The following RFX4 variants were observed in gnomAD, a reference collection of about 807,000 sequenced individuals.
RFX4 encodes regulatory factor X4.
A neutral mutation model predicts 95.0 loss-of-function variants in RFX4; 10 were observed. The ratio of observed to expected loss-of-function variants is 0.11; its 90% confidence interval spans 0.06 to 0.18. RFX4 has a LOEUF of 0.18. Among genes scored for constraint, RFX4 ranks in the 10% least tolerant of loss-of-function variants. The pLI, the probability that RFX4 is intolerant of heterozygous loss-of-function variation, is 1.00. For missense variants in RFX4, 640 were observed against 922.0 expected, an observed-to-expected ratio of 0.69 and a Z score of 3.96; for synonymous variants, 321 against 340.7, an observed-to-expected ratio of 0.94 and a Z score of 0.64.
rs147775366 is a variant in RFX4 at position 106,633,737 on chromosome 12, C to G, written c.131-5595C>G. ...CTGATACTCAGAAATGGGGCCATAA[C>G]AAAGTTTAGTTGGGAAAAAAACCTG... On this transcript the variant is annotated intron_variant, in intron 2 of 17. Coordinates refer to ENST00000392842, the MANE Select transcript of RFX4 (RefSeq NM_213594.3). Among the ~76,000 whole-genome samples the G allele has an allele frequency of 1.4e-4, 21 of 152,252 alleles. No individual in the cohort carries two copies. The East Asian group carries it at 3.7e-3, about 27-fold the overall frequency.
chr12:106,637,130 C>T (rs1175878877), intron 2 of RFX4, among the ~76,000 whole-genome samples: 4 of 152,110 alleles, frequency 2.6e-5, no homozygotes, highest in African/African-American at 7.2e-5. Context: ...AAATTAATTA[C>T]CATGATTGTT....
At chr12:106,626,587 T>C (rs960886526) in intron 2 of RFX4, among the ~76,000 whole-genome samples, 1 of 152,086 alleles carries the variant, frequency 6.6e-6, no homozygotes, top group Non-Finnish European at 1.5e-5. Context: ...CAAAGTGGTG[T>C]TTTCAGAAGG....
chr12:106,677,909 T>C (rs150881405), intron 4 of RFX4, among the ~76,000 whole-genome samples: 79 of 152,126 alleles, frequency 5.2e-4, no homozygotes, highest in African/African-American at 1.7e-3. Context: ...GGTTGTGCAG[T>C]GTTAGGAAGA....
intron 2 of RFX4, 145 bp downstream of exon 2, chr12:106,609,028 C>T: frequency 1.5e-6 from 1 of 663,466 alleles, no homozygotes; most frequent in Admixed American, 3.0e-5. Context: ...CCCAGGTCCT[C>T]TCTGTAATAT....
chr12:106,679,513 A>G (rs1174987332), intron 4 of RFX4, among the ~76,000 whole-genome samples: 3 of 152,028 alleles, frequency 2.0e-5, no homozygotes, highest in Non-Finnish European at 1.5e-5. Context: ...GTCCATTTGT[A>G]TCGGAGAAAT....
chr12:106,642,690 T>C (rs1342842497), intron 3 of RFX4, among the ~76,000 whole-genome samples: 1 of 152,198 alleles, frequency 6.6e-6, no homozygotes, highest in Non-Finnish European at 1.5e-5. Context: ...GCAGAGACTT[T>C]AGCTTGGCTA....
chr12:106,731,997 T>C, intron 13 of RFX4, 133 bp from the exon 14 acceptor site: 2 of 1,302,164 alleles, frequency 1.5e-6, no homozygotes, highest in South Asian at 1.4e-5. Context: ...CATGAGGAGA[T>C]CATAATTGAG....
intron 17 of RFX4, among the ~76,000 whole-genome samples, chr12:106,756,449 A>AATC: frequency 6.6e-6 from 1 of 152,286 alleles, no homozygotes. Flanking sequence ...CTTATCAGCT[A>AATC]ATCACCCCCT....
chr12:106,758,193 C>T (rs1343965822), intron 17 of RFX4, among the ~76,000 whole-genome samples: 1 of 152,108 alleles, frequency 6.6e-6, no homozygotes, highest in Admixed American at 6.6e-5. Context: ...GCGGGTGCCA[C>T]GGGCCAGCCT....
chr12:106,734,535 G>A (rs1195874093), intron 15 of RFX4, among the ~76,000 whole-genome samples: 1 of 151,696 alleles, frequency 6.6e-6, no homozygotes. Context: ...GGTGGAGGTT[G>A]CAGTGAGCCA....
intron 2 of RFX4, among the ~76,000 whole-genome samples, chr12:106,630,162 G>A (rs1265599443): frequency 6.6e-6 from 1 of 151,966 alleles, no homozygotes; most frequent in African/African-American, 2.4e-5. Context: ...TTCTATGGTG[G>A]GCAGATGAGA....
chr12:106,735,912 T>C (rs746927754), intron 15 of RFX4, among the ~76,000 whole-genome samples: 25 of 152,222 alleles, frequency 1.6e-4, no homozygotes, highest in Non-Finnish European at 2.9e-4. Context: ...AGAGATTCTA[T>C]GTGGCTGGAA....
intron 2 of RFX4, among the ~76,000 whole-genome samples, chr12:106,627,644 T>C (rs897125180): frequency 6.6e-6 from 1 of 152,252 alleles, no homozygotes; most frequent in African/African-American, 2.4e-5. Flanking sequence ...CATGTCTTAG[T>C]TGATTATCCA....
chr12:106,629,758 C>T (rs1358564595), intron 2 of RFX4, among the ~76,000 whole-genome samples: 1 of 152,178 alleles, frequency 6.6e-6, no homozygotes, highest in East Asian at 1.9e-4. Flanking sequence ...CAGGCATGAG[C>T]CACCATGCCC....
intron 17 of RFX4, among the ~76,000 whole-genome samples, chr12:106,752,717 C>T (rs913223250): frequency 6.6e-6 from 1 of 152,192 alleles, no homozygotes; most frequent in Non-Finnish European, 1.5e-5. Context: ...GAAATGGATC[C>T]CTTTTCAAAT....
At chr12:106,638,017 AT>A (rs369260734) in intron 2 of RFX4, among the ~76,000 whole-genome samples, 6,396 of 144,962 alleles carry the variant, frequency 0.044, 193 homozygotes, top group African/African-American at 0.09. Context: ...ATTACACTGG[AT>A]TTTTTTTTTT....
chr12:106,755,833 T>C (rs2043098478), intron 17 of RFX4, among the ~76,000 whole-genome samples: 1 of 152,140 alleles, frequency 6.6e-6, no homozygotes, highest in Non-Finnish European at 1.5e-5. Flanking sequence ...GTATACAATA[T>C]GGTTGGAGAA....
intron 2 of RFX4, among the ~76,000 whole-genome samples, chr12:106,623,401 C>T (rs2040225027): frequency 6.6e-6 from 1 of 152,120 alleles, no homozygotes; most frequent in Non-Finnish European, 1.5e-5. Flanking sequence ...CAAAGACTTG[C>T]CACTGGAGAT....
chr12:106,687,802 C>T (rs1190070412), intron 6 of RFX4, among the ~76,000 whole-genome samples: 4 of 152,116 alleles, frequency 2.6e-5, no homozygotes, highest in African/African-American at 9.7e-5. Context: ...TATCATCTAT[C>T]TTCTGTCTTT....
Sources: allele counts gnomAD v4.1 joint callset (sites outside exome capture counted in the v4.1 genomes callset), GRCh38; gene constraint gnomAD v4.1.1; transcripts MANE v1.5; gene names NCBI Gene and HGNC (gene_info 2026-07-23, HGNC 2026-07-21).